The following CACNB2 variants were observed in gnomAD, a reference collection of about 807,000 sequenced individuals.
The protein encoded by CACNB2 is calcium voltage-gated channel auxiliary subunit beta 2.
A neutral mutation model predicts 73.3 loss-of-function variants in CACNB2; 42 were observed. That is an observed-to-expected ratio of 0.57 (90% CI 0.45 to 0.74). The LOEUF is 0.74. CACNB2 is among the 30% of genes least tolerant of loss of function. The probability of loss-of-function intolerance (pLI) is 0.00; values close to 1 mark genes in which losing one functional copy is unlikely to be tolerated. For synonymous variants in CACNB2, 348 were observed against 310.3 expected (o/e 1.12, Z -1.28); for missense variants, 940 against 853.0 (o/e 1.10, Z -1.27).
rs1289421417 is a variant in CACNB2, at chr10:18,217,267, T to G, written c.213+66292T>G. On this transcript the variant is annotated intron_variant, in intron 2 of 13. Transcript: ENST00000324631. ...GGGAGGCCGAGGCTGGTGGATCACC[T>G]GAGGTCAGGAGTTCGAGACCAGTCT... Among the ~76,000 whole-genome samples, 4 of 152,110 alleles carry G rather than the reference T, an allele frequency of 2.6e-5. No homozygotes were observed. The East Asian group carries it at 7.7e-4, about 29-fold the overall frequency.
chr10:18,403,424 A>C (rs2044113940), intron 3 of CACNB2, among the ~76,000 whole-genome samples: 1 of 152,254 alleles, frequency 6.6e-6, no homozygotes, highest in Non-Finnish European at 1.5e-5. Flanking sequence ...GAGTACAAAA[A>C]AACTACAGTT....
intron 10 of CACNB2, among the ~76,000 whole-genome samples, chr10:18,532,119 A>G (rs2053091681): frequency 6.6e-6 from 1 of 152,224 alleles, no homozygotes; most frequent in South Asian, 2.1e-4. Context: ...TTTACTTTGA[A>G]GTCAAAAGTA....
chr10:18,533,900 G>A (rs1361810816), intron 10 of CACNB2, among the ~76,000 whole-genome samples, 176 bp from the exon 11 acceptor site: 4 of 152,172 alleles, frequency 2.6e-5, no homozygotes, highest in African/African-American at 9.7e-5. Flanking sequence ...AATGATGTGT[G>A]GAGAAACAGC....
At chr10:18,514,823 TTCTA>T (rs1771494864) in intron 7 of CACNB2, among the ~76,000 whole-genome samples, 1 of 152,232 alleles carries the variant, frequency 6.6e-6, no homozygotes, top group African/African-American at 2.4e-5. Flanking sequence ...TGCATGCTTA[TTCTA>T]TCTCTTTCTT....
intron 2 of CACNB2, among the ~76,000 whole-genome samples, chr10:18,311,760 C>T (rs540961640): frequency 5.9e-5 from 9 of 152,230 alleles, no homozygotes; most frequent in South Asian, 4.1e-4. Flanking sequence ...AATCTTCATA[C>T]ATAAGTGGAC....
At chr10:18,244,937 C>T (rs776201169) in intron 2 of CACNB2, among the ~76,000 whole-genome samples, 6 of 152,140 alleles carry the variant, frequency 3.9e-5, no homozygotes, top group Non-Finnish European at 8.8e-5. Flanking sequence ...GATAGGACAA[C>T]AGGTGCAGAG....
rs1294947877 is a variant in CACNB2 at position 18,543,323 on chromosome 10, A to C, written c.*3599A>C. On this transcript the variant is annotated 3_prime_UTR_variant, in exon 14 of 14. Transcript: ENST00000324631. ...AAAAAAAAGATACCTCCACGTAGAT[A>C]AAATATTTTATTCAACGTGAGCTCT... 6.6e-6 allele frequency: 1 copy of C among 152,176 alleles called. No individual in the cohort carries two copies. The highest frequency in any genetic ancestry group is 2.4e-5 in the African/African-American group (1 of 41,444). 9.4% of individuals were successfully genotyped at this position (152,176 alleles called of 1,614,324 possible).
intron 2 of CACNB2, among the ~76,000 whole-genome samples, chr10:18,195,954 C>G (rs907406627): frequency 5.9e-5 from 9 of 152,098 alleles, no homozygotes; most frequent in African/African-American, 2.2e-4. Context: ...CTCTGTGATT[C>G]CTTTTTAAAA....
intron 3 of CACNB2, among the ~76,000 whole-genome samples, chr10:18,442,492 CT>C (rs374050516): frequency 6.6e-6 from 1 of 151,298 alleles, no homozygotes; most frequent in Non-Finnish European, 1.5e-5. Context: ...ATCGTATTAC[CT>C]TTTTTTTGTT....
rs543488730 is a variant in CACNB2 at position 18,339,719 on chromosome 10, C to T, written c.214-62205C>T. Among the ~76,000 whole-genome samples, 4 of 152,188 alleles carry T rather than the reference C, an allele frequency of 2.6e-5. No individual in the cohort carries two copies. In the East Asian group the frequency reaches 5.8e-4, roughly 22 times the overall value. ...TGGAGCATACGTAAATGAACAAGCC[C>T]GTATGTTCCAATAAACATTTATTTA... On this transcript the variant is annotated intron_variant, in intron 2 of 13. Coordinates refer to ENST00000324631, the MANE Select transcript of CACNB2 (RefSeq NM_201596.3).
chr10:18,258,779 A>G (rs1436221029), intron 2 of CACNB2, among the ~76,000 whole-genome samples: 1 of 152,122 alleles, frequency 6.6e-6, no homozygotes, highest in African/African-American at 2.4e-5. Context: ...AATTTGAATT[A>G]TGTGTTCTTT....
chr10:18,371,078 A>C (rs1375764266), intron 2 of CACNB2, among the ~76,000 whole-genome samples: 1 of 152,194 alleles, frequency 6.6e-6, no homozygotes, highest in Non-Finnish European at 1.5e-5. Context: ...TTAGACTTCC[A>C]ACAGCCAGCA....
At chr10:18,514,440 ACTGT>A (rs1246583255) in intron 7 of CACNB2, 71 bp downstream of exon 7, 1 of 1,613,592 alleles carries the variant, frequency 6.2e-7, no homozygotes, top group African/African-American at 1.3e-5. Context: ...AGTCCTGTTG[ACTGT>A]CTGCGTCCTT....
chr10:18,430,245 C>T (rs574928881), intron 3 of CACNB2, among the ~76,000 whole-genome samples: 4 of 152,012 alleles, frequency 2.6e-5, no homozygotes, highest in African/African-American at 4.8e-5. Context: ...AATATTGAGA[C>T]GCGTCTAAAC....
intron 2 of CACNB2, among the ~76,000 whole-genome samples, chr10:18,153,980 T>C (rs931460102): frequency 6.6e-6 from 1 of 151,536 alleles, no homozygotes; most frequent in Non-Finnish European, 1.5e-5. Context: ...TCGACACATA[T>C]TGCGTACTTG....
Position 18,538,189 on chromosome 10 carries a change from G to A in CACNB2, c.1312G>A (p.Asp438Asn), listed in dbSNP as rs778466195. ...ATGTCTGCCTCTGCAGGAGCTGTTC[G>A]ATGTGATCTTGGATGAGAACCAGCT... ...KLAQCPPELFDVILDENQLED... is the reference protein window; with the variant it reads ...KLAQCPPELFNVILDENQLED... Residue 438 changes from aspartate to asparagine, a missense_variant, in exon 13 of 14, where the codon GAT (aspartate) becomes AAT (asparagine). Physicochemically the swap from Asp to Asn is conservative, Grantham distance 23. Transcript: ENST00000324631. The A allele has an allele frequency of 6.8e-6, 11 of 1,613,980 alleles. No homozygotes were observed. Among genetic ancestry groups the A allele is most frequent in the South Asian group, 1.1e-5 (1 of 91,072 alleles).
chr10:18,255,598 A>G (rs554031195), intron 2 of CACNB2, among the ~76,000 whole-genome samples: 100 of 152,260 alleles, frequency 6.6e-4, no homozygotes, highest in African/African-American at 2.1e-3. Context: ...CACGCACTTG[A>G]TGAGCAGCAC....
intron 3 of CACNB2, among the ~76,000 whole-genome samples, chr10:18,432,448 C>A (rs61841997): frequency 2.1e-5 from 1 of 48,662 alleles, no homozygotes; most frequent in African/African-American, 1.9e-4. Context: ...ATGTGTGTGT[C>A]TCTGTGTGTG....
chr10:18,380,513 G>A (rs1024205264), intron 2 of CACNB2, among the ~76,000 whole-genome samples: 4 of 135,400 alleles, frequency 3.0e-5, no homozygotes, highest in African/African-American at 8.4e-5. Flanking sequence ...GGAGTGCAAT[G>A]GTGCAATCTC....
Sources: allele counts gnomAD v4.1 joint callset (sites outside exome capture counted in the v4.1 genomes callset), GRCh38; gene constraint gnomAD v4.1.1; transcripts MANE v1.5; gene names NCBI Gene and HGNC (gene_info 2026-07-23, HGNC 2026-07-21).